Variants in PFKM observed in about 807,000 individuals in gnomAD.
PFKM encodes the protein phosphofructokinase, muscle.
In PFKM, 58 loss-of-function variants were observed where a neutral mutation model predicts 95.5. The observed-to-expected ratio is 0.61, with a 90% CI of 0.49 to 0.76. PFKM has a LOEUF of 0.76. Ranked by LOEUF, PFKM falls within the 30% of genes least tolerant of loss-of-function variation. PFKM has a pLI of 0.00. For synonymous variants in PFKM, 336 were observed against 357.2 expected (o/e 0.94, Z 0.67); for missense variants, 678 against 1,005.4 (o/e 0.67, Z 4.40).
chr12:48,145,505 G>T lies in PFKM; in HGVS notation c.2199-59G>T. 6.3e-7 allele frequency: 1 copy of T among 1,598,520 alleles called. No homozygotes were observed. The highest frequency in any genetic ancestry group is 8.6e-7 in the Non-Finnish European group (1 of 1,166,762). ...GTCTAACTTCTTCCTATAAACCTTT[G>T]GTAGAAGTTGATTGGGGTGCTAAAA... On this transcript the variant is annotated intron_variant, in intron 22 of 22. Transcript: ENST00000359794. The surrounding 1 kb of genome is among the most constrained non-coding windows in gnomAD (Gnocchi z 4.3).
chr12:48,131,548 C>T lies in PFKM; in HGVS notation c.237+155C>T, dbSNP rs1004786349. 5.8e-6 allele frequency: 4 copies of T among 694,812 alleles called. No homozygotes were observed. The Admixed American group carries it at 8.2e-5, about 14-fold the overall frequency. The allele number at this position is 694,812 out of a possible 1,614,324, so 43.0% of individuals were successfully genotyped here. On this transcript the variant is annotated intron_variant, in intron 4 of 22. Transcript: ENST00000359794. ...GACCCTATTTGCCCTTTACTCTTAGCATTTGAAAATACCACCCTGGTTTCC... is the reference window on the plus strand; with the variant it reads ...GACCCTATTTGCCCTTTACTCTTAGTATTTGAAAATACCACCCTGGTTTCC...
At chr12:48,135,704 C>A (rs1950017432) in intron 10 of PFKM, among the ~76,000 whole-genome samples, 4 of 152,038 alleles carry the variant, frequency 2.6e-5, no homozygotes, top group Admixed American at 6.6e-5. Flanking sequence ...CAGAGGTAGT[C>A]CCACATACCC....
intron 1 of PFKM, among the ~76,000 whole-genome samples, chr12:48,120,693 CAT>C (rs1198149215): frequency 2.6e-5 from 4 of 152,180 alleles, no homozygotes; most frequent in African/African-American, 7.2e-5. Flanking sequence ...ACATTTTTCA[CAT>C]GTCATGAAGT....
At chr12:48,130,834 T>C (rs989200163) in intron 3 of PFKM, among the ~76,000 whole-genome samples, 1 of 152,224 alleles carries the variant, frequency 6.6e-6, no homozygotes, top group Non-Finnish European at 1.5e-5. Flanking sequence ...TCAAATCTTC[T>C]TTTGCACCCT....
intron 9 of PFKM, 23 bp from the exon 10 acceptor site, chr12:48,135,268 T>C: frequency 6.3e-7 from 1 of 1,591,204 alleles, no homozygotes; most frequent in Non-Finnish European, 8.6e-7. Context: ...ACCCTCTCTC[T>C]GTCCCTCTGT....
At position 48,132,922 on chromosome 12, in the gene PFKM, C is replaced by T. The variant is rs138893744; in HGVS notation, c.292C>T (p.Arg98Ter). 8.7e-6 allele frequency: 14 copies of T among 1,614,030 alleles called. No individual in the cohort carries two copies. The highest frequency in any genetic ancestry group is 1.6e-4 in the Middle Eastern group (1 of 6,084). The change falls in exon 5 of 23, where the codon CGA becomes TGA. Residue 98 changes from arginine (R) to a stop codon, truncating the protein, a stop_gained. Coordinates refer to ENST00000359794, the MANE Select transcript of PFKM (RefSeq NM_000289.6). LOFTEE classifies it high-confidence loss of function. ...CAAGGACTTTCGGGAACGAGAAGGA[C>T]GACTCCGAGCTGCCTACAACCTGGT... is the stretch of plus-strand genomic sequence containing the variant. ...RCKDFREREG[R>*]LRAAYNLVKR...
chr12:48,126,744 C>A (rs1227689223), intron 2 of PFKM, among the ~76,000 whole-genome samples: 5 of 152,182 alleles, frequency 3.3e-5, no homozygotes, highest in Non-Finnish European at 5.9e-5. Context: ...ATTACAAATT[C>A]ATACTCCAGA....
upstream of PFKM, among the ~76,000 whole-genome samples, chr12:48,114,985 A>G (rs1248178463): frequency 6.6e-6 from 1 of 152,196 alleles, no homozygotes; most frequent in Admixed American, 6.5e-5. Context: ...AAGGTTGCCC[A>G]TAGTAAAGGA....
chr12:48,109,642 T>C (rs1947016947), intron 3 of PFKM, among the ~76,000 whole-genome samples: 1 of 152,248 alleles, frequency 6.6e-6, no homozygotes, highest in African/African-American at 2.4e-5. Context: ...GAACTCAGCA[T>C]TGTCTCATGG....
upstream of PFKM, chr12:48,118,472 T>C (rs1435499080): frequency 1.9e-5 from 27 of 1,395,786 alleles, no homozygotes; most frequent in East Asian, 6.5e-4. Context: ...ATTTGTATTG[T>C]TTGTGCCAGA....
intron 20 of PFKM, 143 bp from the exon 21 acceptor site, chr12:48,144,888 C>T (rs537015929): frequency 2.1e-5 from 15 of 707,590 alleles, no homozygotes; most frequent in African/African-American, 2.0e-4. Context: ...TGCCTCAGGG[C>T]ACCCTTTCAT....
upstream of PFKM, among the ~76,000 whole-genome samples, chr12:48,114,520 A>C (rs1947499327): frequency 6.6e-6 from 1 of 152,088 alleles, no homozygotes; most frequent in Non-Finnish European, 1.5e-5. Flanking sequence ...GAAGAGTTGG[A>C]GCCTGATTCA....
intron 2 of PFKM, among the ~76,000 whole-genome samples, chr12:48,125,842 T>C (rs925369782): frequency 8.5e-5 from 13 of 152,334 alleles, no homozygotes; most frequent in African/African-American, 3.1e-4. Flanking sequence ...TTTTTACTTA[T>C]GATATCCATT....
chr12:48,118,711 C>T, upstream of PFKM: 1 of 639,302 alleles, frequency 1.6e-6, no homozygotes, highest in South Asian at 1.8e-5. Flanking sequence ...TCCCTCCCCA[C>T]TGCAGGCTTG....
chr12:48,131,746 G>A (rs760319912), intron 4 of PFKM: 1 of 372,576 alleles, frequency 2.7e-6, no homozygotes, highest in Admixed American at 3.7e-5. Context: ...CAGAAGTGGA[G>A]CTGAAATCTG....
intron 3 of PFKM, chr12:48,108,276 C>T (rs1946883915): frequency 3.2e-5 from 41 of 1,282,296 alleles, no homozygotes; most frequent in Admixed American, 4.3e-5. Context: ...TATAAATCAG[C>T]GTAGACCTAC....
At chr12:48,110,814 C>G (rs1038174979) in intron 3 of PFKM, among the ~76,000 whole-genome samples, 1 of 152,166 alleles carries the variant, frequency 6.6e-6, no homozygotes, top group Non-Finnish European at 1.5e-5. Context: ...TCTGCCTGTA[C>G]TATAATGAGG....
At chr12:48,139,391 G>A (rs1406978747) in intron 12 of PFKM, 42 bp downstream of exon 12, 8 of 1,519,324 alleles carry the variant, frequency 5.3e-6, no homozygotes, top group Middle Eastern at 1.7e-4. Flanking sequence ...AGAAATCAGA[G>A]GCGTGAACGA....
intron 1 of PFKM, among the ~76,000 whole-genome samples, chr12:48,107,196 T>G (rs568933784): frequency 6.6e-6 from 1 of 152,330 alleles, no homozygotes; most frequent in East Asian, 1.9e-4. Flanking sequence ...TCCTCCCCTG[T>G]CAAATACATC....
Sources: gnomAD v4.1 joint callset for allele counts (sites outside exome capture counted in the v4.1 genomes callset) on GRCh38, gnomAD v4.1.1 for gene constraint, Gnocchi (gnomAD v3.1) non-coding constraint, MANE v1.5 for transcripts, NCBI Gene and HGNC (gene_info 2026-07-23, HGNC 2026-07-21) for gene names.